Variants in KCNIP4 observed in about 807,000 individuals in gnomAD.
The protein encoded by KCNIP4 is Kv channel-interacting protein 4.
A neutral mutation model predicts 34.0 loss-of-function variants in KCNIP4; 12 were observed. The observed-to-expected ratio is 0.35, with a 90% CI of 0.23 to 0.57. The LOEUF (loss-of-function observed/expected upper bound fraction) is 0.57. Ranked by LOEUF, KCNIP4 falls within the 20% of genes least tolerant of loss-of-function variation. The probability of loss-of-function intolerance (pLI) is 0.83; values close to 1 mark genes in which losing one functional copy is unlikely to be tolerated. For synonymous variants in KCNIP4, 124 were observed against 102.2 expected, an observed-to-expected ratio of 1.21 and a Z score of -1.29; for missense variants, 238 against 311.7, an observed-to-expected ratio of 0.76 and a Z score of 1.78.
chr4:21,199,390 C>A (rs927754928), intron 1 of KCNIP4, among the ~76,000 whole-genome samples: 3 of 152,124 alleles, frequency 2.0e-5, no homozygotes, highest in African/African-American at 7.2e-5. Flanking sequence ...CTGTTCATAT[C>A]CTTCCCCCAC....
intron 1 of KCNIP4, among the ~76,000 whole-genome samples, chr4:21,414,270 A>C (rs1334338468): frequency 1.3e-5 from 2 of 152,208 alleles, no homozygotes; most frequent in East Asian, 3.9e-4. Context: ...TACATATCTT[A>C]GAGAAAAAAA....
intron 1 of KCNIP4, among the ~76,000 whole-genome samples, chr4:21,577,421 G>A (rs577235237): frequency 6.6e-6 from 1 of 152,208 alleles, no homozygotes; most frequent in Admixed American, 6.5e-5. Flanking sequence ...CCTGAGGTCA[G>A]GTGTTCGAGA....
chr4:21,655,236 T>C (rs1747827566), intron 1 of KCNIP4, among the ~76,000 whole-genome samples: 1 of 152,124 alleles, frequency 6.6e-6, no homozygotes, highest in African/African-American at 2.4e-5. Flanking sequence ...TTTTAAGCCC[T>C]AGAAGTGCTG....
chr4:21,260,732 A>G (rs1761415936), intron 1 of KCNIP4, among the ~76,000 whole-genome samples: 2 of 152,192 alleles, frequency 1.3e-5, no homozygotes, highest in Admixed American at 1.3e-4. Context: ...TGCTTCAGAC[A>G]TTCACTGATG....
intron 1 of KCNIP4, among the ~76,000 whole-genome samples, chr4:21,205,325 A>G (rs1178617069): frequency 6.6e-6 from 1 of 152,192 alleles, no homozygotes; most frequent in Non-Finnish European, 1.5e-5. Flanking sequence ...AAATTAATAT[A>G]GAAAGTTCTG....
intron 1 of KCNIP4, among the ~76,000 whole-genome samples, chr4:21,401,642 G>A (rs953222354): frequency 6.6e-6 from 1 of 152,198 alleles, no homozygotes; most frequent in Non-Finnish European, 1.5e-5. Flanking sequence ...GCCAGCAACA[G>A]GGAATTAAGG....
chr4:20,905,686 AAT>A (rs1727684429), intron 1 of KCNIP4, among the ~76,000 whole-genome samples: 1 of 141,376 alleles, frequency 7.1e-6, no homozygotes. Flanking sequence ...TAAGTTTTGA[AAT>A]TTTTTTTTTT....
At chr4:21,046,886 C>T (rs1374317473) in intron 1 of KCNIP4, among the ~76,000 whole-genome samples, 2 of 152,176 alleles carry the variant, frequency 1.3e-5, no homozygotes, top group Non-Finnish European at 2.9e-5. Flanking sequence ...AGCCACCGCG[C>T]CTGGTCAGTT....
intron 1 of KCNIP4, among the ~76,000 whole-genome samples, chr4:21,782,917 T>C (rs1719661390): frequency 6.6e-6 from 1 of 152,050 alleles, no homozygotes; most frequent in Non-Finnish European, 1.5e-5. Context: ...AAAGCCAATC[T>C]CAAACATTAT....
chr4:21,070,821 G>A (rs944110936), intron 1 of KCNIP4, among the ~76,000 whole-genome samples: 19 of 151,312 alleles, frequency 1.3e-4, no homozygotes, highest in African/African-American at 4.4e-4. Context: ...GACTATAGGC[G>A]CCGGCTACCA....
At chr4:21,884,393 T>C (rs950013247) in intron 1 of KCNIP4, among the ~76,000 whole-genome samples, 1 of 151,972 alleles carries the variant, frequency 6.6e-6, no homozygotes, top group Non-Finnish European at 1.5e-5. Context: ...ATGGAGCCGT[T>C]GTCGTTAGAA....
At position 21,948,616 on chromosome 4, in the gene KCNIP4, C is replaced by T. The variant is rs377005581; in HGVS notation, c.16G>A (p.Val6Met). ...TCCAGCTGAGCCGAAATGCTTTCCACCCTCCTCACATTCATGTCTAGGGAC... is the reference window on the plus strand; with the variant it reads ...TCCAGCTGAGCCGAAATGCTTTCCATCCTCCTCACATTCATGTCTAGGGAC... MNVRR[V>M]ESISAQLEEA... Residue 6 changes from valine (V) to methionine (M), a missense_variant, in exon 1 of 9, where the codon GTG (valine) becomes ATG (methionine). Physicochemically the swap from Val to Met is conservative, Grantham distance 21. Coordinates refer to ENST00000382152, the MANE Select transcript of KCNIP4 (RefSeq NM_025221.6). 3.3e-5 allele frequency: 54 copies of T among 1,613,472 alleles called. No individual in the cohort carries two copies. The highest frequency in any genetic ancestry group is 4.5e-5 in the Non-Finnish European group (53 of 1,179,780).
intron 1 of KCNIP4, among the ~76,000 whole-genome samples, chr4:21,497,527 A>C (rs1560461519): frequency 6.6e-6 from 1 of 152,044 alleles, no homozygotes; most frequent in Non-Finnish European, 1.5e-5. Context: ...GCACTCCCTG[A>C]TTCCACCCCA....
intron 1 of KCNIP4, among the ~76,000 whole-genome samples, chr4:21,407,675 A>G (rs985382592): frequency 4.6e-5 from 7 of 152,194 alleles, no homozygotes; most frequent in Non-Finnish European, 8.8e-5. Flanking sequence ...ACTCTTAACT[A>G]ATACACTATT....
intron 1 of KCNIP4, among the ~76,000 whole-genome samples, chr4:21,533,718 T>C (rs1736908652): frequency 6.6e-6 from 1 of 152,186 alleles, no homozygotes. Context: ...TTATTCCTTC[T>C]CAGCGAATAC....
At chr4:20,860,663 G>GT (rs766200251) in intron 2 of KCNIP4, among the ~76,000 whole-genome samples, 6 of 152,240 alleles carry the variant, frequency 3.9e-5, no homozygotes, top group Non-Finnish European at 7.4e-5. Flanking sequence ...CGAATAGTGA[G>GT]TTGATCCATA....
At chr4:21,433,718 A>G (rs560094260) in intron 1 of KCNIP4, among the ~76,000 whole-genome samples, 1 of 152,254 alleles carries the variant, frequency 6.6e-6, no homozygotes, top group South Asian at 2.1e-4. Context: ...TCTATCTCCA[A>G]TAACCGGGTT....
At chr4:21,379,731 A>G (rs984868155) in intron 1 of KCNIP4, among the ~76,000 whole-genome samples, 4 of 152,198 alleles carry the variant, frequency 2.6e-5, no homozygotes, top group African/African-American at 9.6e-5. Context: ...CAGTTCCTGT[A>G]TTAGCCACCC....
chr4:21,233,786 A>T (rs1758969896), intron 1 of KCNIP4, among the ~76,000 whole-genome samples: 1 of 145,852 alleles, frequency 6.9e-6, no homozygotes, highest in Non-Finnish European at 1.5e-5. Flanking sequence ...TTACATTAAA[A>T]CATTATTATA....
Sources: gnomAD v4.1 joint callset for allele counts (sites outside exome capture counted in the v4.1 genomes callset) on GRCh38, gnomAD v4.1.1 for gene constraint, MANE v1.5 for transcripts, NCBI Gene and HGNC (gene_info 2026-07-23, HGNC 2026-07-21) for gene names.